The following GLCCI1 variants were observed in gnomAD, a reference collection of about 807,000 sequenced individuals.
GLCCI1 encodes the protein glucocorticoid induced 1, also known as glucocorticoid-induced transcript 1 protein.
Under a neutral mutation model 52.2 loss-of-function variants are expected in GLCCI1, and 24 were observed. That is an observed-to-expected ratio of 0.46 (90% confidence interval 0.33 to 0.65). The LOEUF is 0.65. Among genes scored for constraint, GLCCI1 ranks in the 30% least tolerant of loss-of-function variants. GLCCI1 has a pLI of 0.02. For synonymous variants in GLCCI1, 310 were observed against 276.5 expected, an observed-to-expected ratio of 1.12 and a Z score of -1.20; for missense variants, 704 against 701.5, an observed-to-expected ratio of 1.00 and a Z score of -0.04.
At chr7:8,004,115 A>G (rs187269424) in intron 2 of GLCCI1, 56 bp downstream of exon 2, 2 of 1,435,860 alleles carry the variant, frequency 1.4e-6, no homozygotes, top group Admixed American at 4.1e-5. Flanking sequence ...TGTTTTGATC[A>G]CAGTAAAGAA....
intron 6 of GLCCI1, among the ~76,000 whole-genome samples, chr7:8,077,835 C>T (rs1222285707): frequency 1.3e-5 from 2 of 152,126 alleles, no homozygotes; most frequent in Non-Finnish European, 2.9e-5. Flanking sequence ...TATGGGCATT[C>T]AGCTGTGAAA....
Position 8,022,472 on chromosome 7 carries a change from A to T in GLCCI1, c.610-11A>T, listed in dbSNP as rs1028482481. The stretch of plus-strand genomic sequence containing the variant: ...AATTTCTTATTTTATTTATATATAT[A>T]TTTTTTAAAGACACCTAGCTGTTGG... On this transcript the variant is annotated splice_polypyrimidine_tract_variant and intron_variant, in intron 2 of 7. Coordinates refer to ENST00000223145, the MANE Select transcript of GLCCI1 (RefSeq NM_138426.4). The T allele has an allele frequency of 2.0e-6, 3 of 1,473,108 alleles. No homozygotes were observed. Among genetic ancestry groups the T allele is most frequent in the African/African-American group, 1.4e-5 (1 of 69,370 alleles). The allele number at this position is 1,473,108 out of a possible 1,614,324, so 91.3% of individuals were successfully genotyped here.
At chr7:7,983,405 G>A (rs185810318) in intron 1 of GLCCI1, among the ~76,000 whole-genome samples, 10 of 152,218 alleles carry the variant, frequency 6.6e-5, no homozygotes, top group Admixed American at 5.2e-4. Flanking sequence ...TTGACCCACT[G>A]TATTATTCCA....
At chr7:8,037,223 G>A (rs35009545) in intron 3 of GLCCI1, among the ~76,000 whole-genome samples, 10,269 of 152,242 alleles carry the variant, frequency 0.067, 362 homozygotes, top group East Asian at 0.09. Context: ...GCCAGAAGAG[G>A]TTGGGTGCCT....
chr7:8,024,438 A>G (rs952581278), intron 3 of GLCCI1, among the ~76,000 whole-genome samples: 1 of 152,250 alleles, frequency 6.6e-6, no homozygotes, highest in Admixed American at 6.5e-5. Flanking sequence ...ATGAATAACA[A>G]AAAAGTGAAC....
intron 1 of GLCCI1, chr7:7,981,296 TTCTCTCTTTCTTTCTG>T (rs1321544160): frequency 4.0e-5 from 10 of 247,876 alleles, no homozygotes; most frequent in South Asian, 9.0e-5. Flanking sequence ...CTCTCCCTCT[TTCTCTCTTTCTTTCTG>T]TCTCTCTTTC....
chr7:8,088,443 C>A lies in GLCCI1; in HGVS notation c.*1905C>A. The A allele has an allele frequency of 6.6e-6, 1 of 152,508 alleles. No individual in the cohort carries two copies. Among genetic ancestry groups the A allele is most frequent in the East Asian group, 1.9e-4 (1 of 5,194 alleles). The allele number at this position is 152,508 out of a possible 1,614,324, so 9.4% of individuals were successfully genotyped here. A position where few individuals can be genotyped will look rare whatever the true frequency, so the allele number is the denominator to read the frequency against. ...TACTTTCGTCATTTTCACAGGGGAACCTTTTAAAACAATCTTTTCAGCAGC... is the reference window on the plus strand; with the variant it reads ...TACTTTCGTCATTTTCACAGGGGAAACTTTTAAAACAATCTTTTCAGCAGC... On this transcript the variant is annotated 3_prime_UTR_variant, in exon 8 of 8. Coordinates refer to ENST00000223145, the MANE Select transcript of GLCCI1 (RefSeq NM_138426.4).
intron 1 of GLCCI1, chr7:7,980,657 A>G: frequency 1.2e-6 from 1 of 834,974 alleles, no homozygotes; most frequent in South Asian, 1.5e-5. Context: ...AGAATTAAGC[A>G]CAAGAAGAAG....
intron 1 of GLCCI1, among the ~76,000 whole-genome samples, chr7:7,973,413 C>CGTGTGTGTGT (rs57135358): frequency 0.053 from 7,807 of 147,614 alleles, 238 homozygotes; most frequent in African/African-American, 0.059. Flanking sequence ...TCTTTGTGTG[C>CGTGTGTGTGT]GTGTGTGTGT....
At chr7:7,982,677 T>G (rs944806354) in intron 1 of GLCCI1, among the ~76,000 whole-genome samples, 2 of 152,306 alleles carry the variant, frequency 1.3e-5, no homozygotes, top group South Asian at 4.1e-4. Flanking sequence ...GTTTGTCATT[T>G]GCTTTGTACA....
At chr7:8,004,172 A>G (rs776220879) in intron 2 of GLCCI1, 113 bp downstream of exon 2, 33 of 925,180 alleles carry the variant, frequency 3.6e-5, no homozygotes, top group Admixed American at 5.3e-5. Flanking sequence ...CATCCAACCA[A>G]GGAAGAAAGG....
chr7:8,033,630 A>G (rs988688438), intron 3 of GLCCI1, among the ~76,000 whole-genome samples: 8 of 152,156 alleles, frequency 5.3e-5, no homozygotes, highest in African/African-American at 9.6e-5. Flanking sequence ...ATAAGAAAAC[A>G]ATTTATTCAC....
At chr7:7,994,436 G>T (rs1780901301) in intron 1 of GLCCI1, among the ~76,000 whole-genome samples, 2 of 152,128 alleles carry the variant, frequency 1.3e-5, no homozygotes, top group African/African-American at 4.8e-5. Flanking sequence ...CACAATTCTG[G>T]AGAGTGGGAA....
At chr7:8,069,335 C>T (rs1440893310) in intron 5 of GLCCI1, among the ~76,000 whole-genome samples, 2 of 152,164 alleles carry the variant, frequency 1.3e-5, no homozygotes, top group Non-Finnish European at 2.9e-5. Flanking sequence ...CTTCTTAGGG[C>T]CGTGGCAGCT....
At chr7:7,970,430 C>T (rs1404974924) in intron 1 of GLCCI1, 2 of 150,992 alleles carry the variant, frequency 1.3e-5, no homozygotes, top group Admixed American at 6.6e-5. Context: ...CTCTTTCTCC[C>T]CCTCCCCTTT....
intron 1 of GLCCI1, among the ~76,000 whole-genome samples, chr7:7,975,031 A>G (rs907351354): frequency 2.0e-5 from 3 of 152,190 alleles, no homozygotes; most frequent in African/African-American, 7.2e-5. Context: ...AGGGAACACA[A>G]GTACTCATAT....
chr7:7,985,697 G>T (rs774646292), intron 1 of GLCCI1, among the ~76,000 whole-genome samples: 12 of 152,150 alleles, frequency 7.9e-5, no homozygotes, highest in Non-Finnish European at 1.5e-4. Context: ...GAGTTATTTG[G>T]TAAGGTGTAA....
At chr7:8,085,313 C>T (rs763909936) in intron 7 of GLCCI1, among the ~76,000 whole-genome samples, 57 of 152,086 alleles carry the variant, frequency 3.7e-4, no homozygotes, top group Middle Eastern at 3.2e-3. Context: ...TAGATGGTAA[C>T]AAAGAGACTT....
At chr7:8,074,906 G>A (rs1394680204) in intron 6 of GLCCI1, among the ~76,000 whole-genome samples, 6 of 152,134 alleles carry the variant, frequency 3.9e-5, no homozygotes, top group African/African-American at 1.4e-4. Context: ...TTGTTCTGTG[G>A]TAGAGTAACT....
Sources: allele counts gnomAD v4.1 joint callset (sites outside exome capture counted in the v4.1 genomes callset), GRCh38; gene constraint gnomAD v4.1.1; transcripts MANE v1.5; gene names NCBI Gene and HGNC (gene_info 2026-07-23, HGNC 2026-07-21).